Variants in RACGAP1 observed in about 807,000 individuals in gnomAD.
RACGAP1 encodes Rac GTPase activating protein 1.
A neutral mutation model predicts 78.1 loss-of-function variants in RACGAP1; 30 were observed. The observed-to-expected ratio is 0.38, with a 90% CI of 0.29 to 0.52. RACGAP1 has a LOEUF of 0.52. Among genes scored for constraint, RACGAP1 ranks in the 20% least tolerant of loss-of-function variants. The pLI, the probability that RACGAP1 is intolerant of heterozygous loss-of-function variation, is 0.82. For synonymous variants in RACGAP1, 231 were observed against 264.8 expected, an observed-to-expected ratio of 0.87 and a Z score of 1.24; for missense variants, 587 against 777.1, an observed-to-expected ratio of 0.76 and a Z score of 2.91.
At chr12:50,031,692 C>G (rs1950337579) in intron 2 of RACGAP1, 1 of 985,254 alleles carries the variant, frequency 1.0e-6, no homozygotes, top group African/African-American at 1.7e-5. Flanking sequence ...ATAAGTTCTA[C>G]TCACCCTCTA....
At chr12:49,994,692 C>T (rs1948136132) in intron 10 of RACGAP1, among the ~76,000 whole-genome samples, 183 bp from the exon 11 acceptor site, 1 of 152,122 alleles carries the variant, frequency 6.6e-6, no homozygotes, top group Non-Finnish European at 1.5e-5. Context: ...ACCTCCACAC[C>T]AGGACTGATT....
intron 1 of RACGAP1, among the ~76,000 whole-genome samples, chr12:50,022,241 C>G (rs186943031): frequency 6.6e-6 from 1 of 152,242 alleles, no homozygotes; most frequent in East Asian, 1.9e-4. Context: ...ATTCATTTAG[C>G]AGATACAAAA....
At chr12:49,996,374 G>A (rs1029611522) in intron 10 of RACGAP1, among the ~76,000 whole-genome samples, 25 of 149,658 alleles carry the variant, frequency 1.7e-4, no homozygotes, top group African/African-American at 4.9e-4. Flanking sequence ...CACGCCTGTA[G>A]TCTCAGCACT....
chr12:50,010,486 G>A (rs1004255144), intron 2 of RACGAP1, among the ~76,000 whole-genome samples: 4 of 151,758 alleles, frequency 2.6e-5, no homozygotes, highest in Admixed American at 2.6e-4. Context: ...ACCACGCCCG[G>A]CTAACTTTTT....
chr12:50,003,944 T>G (rs1295145544), intron 5 of RACGAP1, among the ~76,000 whole-genome samples: 1 of 152,220 alleles, frequency 6.6e-6, no homozygotes, highest in Non-Finnish European at 1.5e-5. Context: ...TAGCTGGGGC[T>G]TTAATAAGTC....
intron 15 of RACGAP1, among the ~76,000 whole-genome samples, chr12:49,991,436 G>A (rs1947829724): frequency 9.8e-6 from 1 of 102,294 alleles, no homozygotes; most frequent in Non-Finnish European, 1.9e-5. Flanking sequence ...AGTGAAATAA[G>A]AATGAATTAT....
chr12:50,000,018 A>ATTTTTTTTTTTT (rs757681041), intron 7 of RACGAP1, among the ~76,000 whole-genome samples: 73,437 of 99,126 alleles, frequency 0.74, 31,611 homozygotes, highest in Non-Finnish European at 0.91. Flanking sequence ...CACCTGACTG[A>ATTTTTTTTTTTT]TTTTTTTTTT....
In RACGAP1 at chr12:49,989,990, A is replaced by G. The variant is rs1947725348; in HGVS notation, c.*278T>C. The G allele has an allele frequency of 2.9e-6, 1 of 345,580 alleles. No homozygotes were observed. The highest frequency in any genetic ancestry group is 5.2e-6 in the Non-Finnish European group (1 of 190,492). The allele number at this position is 345,580 out of a possible 1,614,324, so 21.4% of individuals were successfully genotyped here. On this transcript the variant is annotated 3_prime_UTR_variant, in exon 17 of 17. Transcript: ENST00000312377. ...ACAATAACCCCCTTCCCCAAAAAGA[A>G]TCACAACCAATTCCATACTAACCCT...
chr12:50,000,149 G>A (rs1259928903), intron 7 of RACGAP1, among the ~76,000 whole-genome samples: 1 of 151,364 alleles, frequency 6.6e-6, no homozygotes, highest in Non-Finnish European at 1.5e-5. Context: ...GAGTAGCTGG[G>A]ACTACAGGCG....
rs572462036 is a variant in RACGAP1 at position 50,010,355 on chromosome 12, A to G, written c.86-3719T>C. On this transcript the variant is annotated intron_variant, in intron 2 of 16. Transcript: ENST00000312377. ...TTTCTTTTTTAAGAGATGGAGTCTC[A>G]CTCTGTTGCCCAGGCTGTAGTGCAA... 2.8e-3 allele frequency among the ~76,000 whole-genome samples: 398 copies of G among 144,032 alleles called. 3 individuals are homozygous for G. Among genetic ancestry groups the G allele is most frequent in the African/African-American group, 0.01 (384 of 37,918 alleles). 94.5% of individuals were successfully genotyped at this position (144,032 alleles called of 152,430 possible).
At chr12:49,999,792 T>TAGTGG in intron 7 of RACGAP1, 59 bp from the exon 8 acceptor site, 15 of 1,306,178 alleles carry the variant, frequency 1.1e-5, no homozygotes, top group East Asian at 2.3e-5. Context: ...CCCTCCACTA[T>TAGTGG]AGGGTATTTT....
At chr12:50,020,020 G>T (rs1190182667) in intron 1 of RACGAP1, among the ~76,000 whole-genome samples, 1 of 151,992 alleles carries the variant, frequency 6.6e-6, no homozygotes, top group African/African-American at 2.4e-5. Flanking sequence ...TTCCCCCCTA[G>T]GCTGTCTCCA....
At chr12:50,018,402 A>G in intron 1 of RACGAP1, 1 of 589,978 alleles carries the variant, frequency 1.7e-6, no homozygotes, top group South Asian at 1.7e-5. Context: ...TATTACAAAG[A>G]TCTTTCTCTA....
Position 49,990,203 on chromosome 12 carries a change from G to T in RACGAP1, c.*65C>A. The T allele has an allele frequency of 7.3e-7, 1 of 1,374,494 alleles. No homozygotes were observed. The highest frequency in any genetic ancestry group is 1.0e-6 in the Non-Finnish European group (1 of 965,142). The allele number at this position is 1,374,494 out of a possible 1,614,324, so 85.1% of individuals were successfully genotyped here. A position where few individuals can be genotyped will look rare whatever the true frequency, so the allele number is the denominator to read the frequency against. On this transcript the variant is annotated 3_prime_UTR_variant, in exon 17 of 17. Coordinates refer to ENST00000312377, the MANE Select transcript of RACGAP1 (RefSeq NM_001319999.2). The stretch of plus-strand genomic sequence containing the variant: ...AGTAATGAGTACAGGAGGCTGCAGA[G>T]CAGAGTACAGATGTGTCCTTTCTTA...
At chr12:49,990,539 G>C in intron 16 of RACGAP1, 145 bp downstream of exon 16, 1 of 791,936 alleles carries the variant, frequency 1.3e-6, no homozygotes, top group Non-Finnish European at 2.0e-6. Flanking sequence ...TTTTAAAGAA[G>C]GAATCCTTAT....
At chr12:50,020,385 A>G (rs1451743631) in intron 1 of RACGAP1, among the ~76,000 whole-genome samples, 1 of 151,846 alleles carries the variant, frequency 6.6e-6, no homozygotes, top group Admixed American at 6.6e-5. Flanking sequence ...AGTTTCACCA[A>G]GTTGGTCAGG....
chr12:50,023,474 C>T (rs1347149333), intron 1 of RACGAP1, among the ~76,000 whole-genome samples: 1 of 152,330 alleles, frequency 6.6e-6, no homozygotes, highest in Middle Eastern at 3.4e-3. Flanking sequence ...TGGCTGACGC[C>T]TCTAATCCCA....
intron 1 of RACGAP1, among the ~76,000 whole-genome samples, chr12:50,024,661 T>A (rs1009773051): frequency 2.6e-5 from 4 of 152,012 alleles, no homozygotes; most frequent in African/African-American, 9.7e-5. Flanking sequence ...ATACAAAAAT[T>A]TTTTTAAGTC....
chr12:50,027,741 G>A (rs769861026), upstream of RACGAP1, among the ~76,000 whole-genome samples: 3 of 152,164 alleles, frequency 2.0e-5, no homozygotes, highest in East Asian at 1.9e-4. Flanking sequence ...CAAGAGAATC[G>A]CTTGAACCCG....
Sources: allele counts gnomAD v4.1 joint callset (sites outside exome capture counted in the v4.1 genomes callset), GRCh38; gene constraint gnomAD v4.1.1; transcripts MANE v1.5; gene names NCBI Gene and HGNC (gene_info 2026-07-23, HGNC 2026-07-21).